EPHB1: variants seen among roughly 807,000 people sequenced by gnomAD.
The protein encoded by EPHB1 is ephrin type-B receptor 1.
EPHB1 carries 30 observed loss-of-function variants against 94.4 expected under a neutral mutation model. That is an observed-to-expected ratio of 0.32 (90% CI 0.24 to 0.43). The LOEUF (loss-of-function observed/expected upper bound fraction) is 0.43. EPHB1 is among the 20% of genes least tolerant of loss of function. The pLI is 1.00. For missense variants in EPHB1, 1,055 were observed against 1,308.3 expected (o/e 0.81, Z 2.99); for synonymous variants, 522 against 489.1 (o/e 1.07, Z -0.89).
chr3:135,004,877 T>C lies in EPHB1; in HGVS notation c.805+52825T>C, dbSNP rs503514. Among the ~76,000 whole-genome samples, 332 of 152,172 alleles carry C rather than the reference T, an allele frequency of 2.2e-3. 3 individuals are homozygous for C. The highest frequency in any genetic ancestry group is 7.6e-3 in the African/African-American group (314 of 41,500). ...ATATTCTTCTAAATTTTTTTCAAAG[T>C]TTTCAACTTCTTTGCCTTTGGTTTG... On this transcript the variant is annotated intron_variant, in intron 3 of 15. Transcript: ENST00000398015.
At chr3:134,983,258 A>T (rs1219318207) in intron 3 of EPHB1, among the ~76,000 whole-genome samples, 1 of 152,208 alleles carries the variant, frequency 6.6e-6, no homozygotes, top group Non-Finnish European at 1.5e-5. Context: ...GTGCATGATC[A>T]TGCATATGCT....
chr3:135,021,715 A>T (rs184624855), intron 3 of EPHB1, among the ~76,000 whole-genome samples: 1 of 152,270 alleles, frequency 6.6e-6, no homozygotes, highest in African/African-American at 2.4e-5. Flanking sequence ...AGTGAAGGGG[A>T]ATAAGATTAT....
At chr3:135,086,182 A>G (rs1019541257) in intron 3 of EPHB1, among the ~76,000 whole-genome samples, 1 of 152,088 alleles carries the variant, frequency 6.6e-6, no homozygotes, top group Admixed American at 6.5e-5. Context: ...TAGGGTTAGG[A>G]AGTCCGGGCA....
intron 3 of EPHB1, among the ~76,000 whole-genome samples, chr3:134,963,701 G>T (rs1336703877): frequency 2.0e-5 from 3 of 152,144 alleles, no homozygotes; most frequent in Non-Finnish European, 2.9e-5. Context: ...GGACTTGGAG[G>T]TTCTGCTGGT....
At chr3:135,162,746 T>C (rs1210540869) in intron 7 of EPHB1, among the ~76,000 whole-genome samples, 1 of 152,172 alleles carries the variant, frequency 6.6e-6, no homozygotes, top group African/African-American at 2.4e-5. Flanking sequence ...TCACCATAAA[T>C]ATACTTCTAC....
rs1370803647 is a variant in EPHB1 at position 135,259,873 on chromosome 3, T to A, written c.*753T>A. 2 of 226,586 alleles carry A rather than the reference T, an allele frequency of 8.8e-6. No homozygotes were observed. Among genetic ancestry groups the A allele is most frequent in the Non-Finnish European group, 1.8e-5 (2 of 113,632 alleles). 14.0% of individuals were successfully genotyped at this position (226,586 alleles called of 1,614,324 possible). On this transcript the variant is annotated 3_prime_UTR_variant, in exon 16 of 16. Coordinates refer to ENST00000398015, the MANE Select transcript of EPHB1 (RefSeq NM_004441.5). ...AGCACACATATGTATGTCTGTGTTA[T>A]AAAATGACTGTGCTTGTTCGTAACA...
At chr3:134,870,356 G>C (rs1309399068) in intron 1 of EPHB1, among the ~76,000 whole-genome samples, 1 of 152,196 alleles carries the variant, frequency 6.6e-6, no homozygotes, top group Admixed American at 6.5e-5. Context: ...CCCACTCTGA[G>C]TATATTTAAT....
chr3:135,238,337 T>C (rs1943703934), intron 12 of EPHB1, among the ~76,000 whole-genome samples: 1 of 152,160 alleles, frequency 6.6e-6, no homozygotes, highest in Non-Finnish European at 1.5e-5. Flanking sequence ...CTCAGCCACC[T>C]GCTGGGATGG....
intron 9 of EPHB1, among the ~76,000 whole-genome samples, chr3:135,175,992 C>T (rs190832198): frequency 1.5e-4 from 23 of 152,266 alleles, no homozygotes; most frequent in African/African-American, 5.5e-4. Context: ...TATGCAGAAA[C>T]ACAAAATGAG....
At chr3:135,173,037 T>C (rs1403149211) in intron 9 of EPHB1, among the ~76,000 whole-genome samples, 1 of 95,550 alleles carries the variant, frequency 1.0e-5, no homozygotes, top group Non-Finnish European at 2.6e-5. Flanking sequence ...AATAGTTTCT[T>C]TTTTTTTTTT....
At chr3:134,943,836 A>T (rs1163696762) in intron 2 of EPHB1, among the ~76,000 whole-genome samples, 1 of 152,196 alleles carries the variant, frequency 6.6e-6, no homozygotes, top group Non-Finnish European at 1.5e-5. Context: ...GAGAAGGGGC[A>T]TAAGTCACCA....
At chr3:134,922,422 G>T (rs1345733705) in intron 1 of EPHB1, among the ~76,000 whole-genome samples, 2 of 152,214 alleles carry the variant, frequency 1.3e-5, no homozygotes, top group African/African-American at 4.8e-5. Flanking sequence ...CAGATGTAAA[G>T]AAATGGATTT....
intron 1 of EPHB1, among the ~76,000 whole-genome samples, chr3:134,920,123 C>T (rs1414364270): frequency 1.3e-5 from 2 of 152,132 alleles, no homozygotes; most frequent in Non-Finnish European, 2.9e-5. Context: ...TGCAAGCTCC[C>T]TGAGGGCTGG....
chr3:135,223,615 T>A (rs1040621572), intron 12 of EPHB1, among the ~76,000 whole-genome samples: 4 of 152,232 alleles, frequency 2.6e-5, no homozygotes, highest in Non-Finnish European at 5.9e-5. Context: ...CCATATTGCA[T>A]TTTATTTATT....
chr3:135,009,866 T>G (rs1935560032), intron 3 of EPHB1, among the ~76,000 whole-genome samples: 1 of 152,254 alleles, frequency 6.6e-6, no homozygotes, highest in African/African-American at 2.4e-5. Context: ...AAGAACTTTT[T>G]TGTGTGAAAA....
intron 3 of EPHB1, among the ~76,000 whole-genome samples, chr3:135,071,290 CTG>C (rs1156647738): frequency 6.6e-6 from 1 of 152,200 alleles, no homozygotes; most frequent in African/African-American, 2.4e-5. Context: ...TCAGGGGAGA[CTG>C]GACCCAGGTA....
At chr3:134,908,782 G>A (rs2038389536) in intron 1 of EPHB1, among the ~76,000 whole-genome samples, 1 of 152,122 alleles carries the variant, frequency 6.6e-6, no homozygotes, top group South Asian at 2.1e-4. Context: ...TGAGGGCAAT[G>A]AGGAAGGGCA....
rs188629417 is a variant in EPHB1 at position 134,975,471 on chromosome 3, G to A, written c.805+23419G>A. Among the ~76,000 whole-genome samples the A allele has an allele frequency of 9.1e-4, 139 of 152,234 alleles. 1 individual carries two copies. Among genetic ancestry groups the A allele is most frequent in the South Asian group, 2.7e-3 (13 of 4,814 alleles). Reference sequence around the variant, plus strand: ...AATAGTGGTGGGAATTTGCTGTGGGGGGCCACAGCTCCTGACACTCTGCTA... The same window carrying A: ...AATAGTGGTGGGAATTTGCTGTGGGAGGCCACAGCTCCTGACACTCTGCTA... On this transcript the variant is annotated intron_variant, in intron 3 of 15. Transcript: ENST00000398015.
At chr3:135,061,216 G>C (rs1048339405) in intron 3 of EPHB1, among the ~76,000 whole-genome samples, 2 of 151,966 alleles carry the variant, frequency 1.3e-5, no homozygotes, top group African/African-American at 4.8e-5. Flanking sequence ...TGAGATTTTG[G>C]TGCACCCATC....
Sources: allele counts gnomAD v4.1 joint callset (sites outside exome capture counted in the v4.1 genomes callset), GRCh38; gene constraint gnomAD v4.1.1; transcripts MANE v1.5; gene names NCBI Gene and HGNC (gene_info 2026-07-23, HGNC 2026-07-21).